COL24A1: variants seen among roughly 807,000 people sequenced by gnomAD.
COL24A1 encodes the protein collagen type XXIV alpha 1 chain.
COL24A1 carries 224 observed loss-of-function variants against 253.9 expected under a neutral mutation model. That is an observed-to-expected ratio of 0.88 (90% CI 0.79 to 0.99). The LOEUF (loss-of-function observed/expected upper bound fraction) is 0.99, where lower values mean the gene tolerates loss of function less well. Among genes scored for constraint, COL24A1 ranks in the 50% least tolerant of loss-of-function variants. The pLI, the probability that COL24A1 is intolerant of heterozygous loss-of-function variation, is 0.00. For synonymous variants in COL24A1, 685 were observed against 673.7 expected (o/e 1.02, Z -0.26); for missense variants, 2,131 against 2,068.5 (o/e 1.03, Z -0.59).
Position 85,979,594 on chromosome 1 carries a change from T to C in COL24A1, c.2364+8007A>G, listed in dbSNP as rs969890263. Among the ~76,000 whole-genome samples the C allele has an allele frequency of 2.0e-5, 3 of 151,746 alleles. No individual in the cohort carries two copies. In the East Asian group the frequency reaches 5.8e-4, roughly 29 times the overall value. On this transcript the variant is annotated intron_variant, in intron 20 of 59. Transcript: ENST00000370571. Reference sequence around the variant, plus strand: ...AACTAGAAAACTTAGAGGAGATGTATAAATTTCTGGAAGTATACAACCCTC... The same window carrying C: ...AACTAGAAAACTTAGAGGAGATGTACAAATTTCTGGAAGTATACAACCCTC...
At chr1:85,838,487 A>C in intron 43 of COL24A1, 98 bp downstream of exon 43, 1 of 1,024,656 alleles carries the variant, frequency 9.8e-7, no homozygotes, top group African/African-American at 1.6e-5. Flanking sequence ...AAAACATAAG[A>C]CATTACTAAT....
At chr1:86,133,145 GCTCT>G (rs1649566558) in intron 2 of COL24A1, among the ~76,000 whole-genome samples, 1 of 152,004 alleles carries the variant, frequency 6.6e-6, no homozygotes, top group South Asian at 2.1e-4. Context: ...TCATGATTTG[GCTCT>G]CTGTTTGTCT....
chr1:86,148,208 G>C (rs1432594355), intron 1 of COL24A1, among the ~76,000 whole-genome samples: 1 of 152,006 alleles, frequency 6.6e-6, no homozygotes, highest in Non-Finnish European at 1.5e-5. Flanking sequence ...TCTTGAGATG[G>C]AGTTCGCTCT....
At chr1:86,097,622 TCTTTTTCTTATTCTTATTCTTCCTC>T (rs1704104914) in intron 5 of COL24A1, among the ~76,000 whole-genome samples, 1 of 106,198 alleles carries the variant, frequency 9.4e-6, no homozygotes, top group Admixed American at 9.4e-5. Flanking sequence ...TCCTCCTTCT[TCTTTTTCTTATTCTTATTCTTCCTC>T]CTCCTCCTCC....
At chr1:85,951,538 T>C (rs1208926310) in intron 24 of COL24A1, among the ~76,000 whole-genome samples, 1 of 152,112 alleles carries the variant, frequency 6.6e-6, no homozygotes, top group African/African-American at 2.4e-5. Context: ...AGGGAGTAAG[T>C]TGGAAAGTGT....
intron 47 of COL24A1, among the ~76,000 whole-genome samples, chr1:85,790,040 G>T (rs751869665): frequency 1.3e-5 from 2 of 152,060 alleles, no homozygotes; most frequent in African/African-American, 2.4e-5. Flanking sequence ...AGCAGGTTTT[G>T]GTATCAGGAT....
At position 85,907,182 on chromosome 1, in the gene COL24A1, T is replaced by C. The variant is rs1684922296; in HGVS notation, c.2778+12A>G. 1.9e-6 allele frequency: 3 copies of C among 1,608,794 alleles called. No individual in the cohort carries two copies. Among genetic ancestry groups the C allele is most frequent in the East Asian group, 4.5e-5 (2 of 44,842 alleles). On this transcript the variant is annotated intron_variant, in intron 28 of 59. Coordinates refer to ENST00000370571, the MANE Select transcript of COL24A1 (RefSeq NM_152890.7). ...GGGGGGGTTAATGTACTTTTTTCCT[T>C]AGATTACTTACTCTTTGTCCTTTAG...
At chr1:85,894,324 A>G (rs1407812482) in intron 31 of COL24A1, among the ~76,000 whole-genome samples, 4 of 152,204 alleles carry the variant, frequency 2.6e-5, no homozygotes, top group African/African-American at 4.8e-5. Context: ...TTGCCAGGTA[A>G]GGTTACAAAC....
At position 85,745,518 on chromosome 1, in the gene COL24A1, A is replaced by C; in HGVS notation, c.4438-12T>G. ...ATATCCATTTGCTTCTGTGTAAAAC[A>C]AAACCATTTGAGATTAGCAATAAGA... is the stretch of plus-strand genomic sequence containing the variant. On this transcript the variant is annotated splice_polypyrimidine_tract_variant and intron_variant, in intron 55 of 59. Coordinates refer to ENST00000370571, the MANE Select transcript of COL24A1 (RefSeq NM_152890.7). 1.9e-6 allele frequency: 3 copies of C among 1,603,224 alleles called. No individual in the cohort carries two copies. The highest frequency in any genetic ancestry group is 1.7e-6 in the Non-Finnish European group (2 of 1,175,136).
intron 41 of COL24A1, 65 bp from the exon 42 acceptor site, chr1:85,841,343 C>T (rs544302443): frequency 3.6e-6 from 4 of 1,123,622 alleles, no homozygotes; most frequent in Admixed American, 2.5e-5. Flanking sequence ...AAACACACAA[C>T]CTACTATTTT....
intron 24 of COL24A1, among the ~76,000 whole-genome samples, chr1:85,918,739 T>A (rs1014368899): frequency 1.3e-4 from 20 of 152,346 alleles, no homozygotes; most frequent in African/African-American, 4.3e-4. Flanking sequence ...CAATATTTTT[T>A]AAATCTCTGA....
chr1:86,006,283 A>C (rs1323952634), intron 19 of COL24A1, among the ~76,000 whole-genome samples: 1 of 148,060 alleles, frequency 6.8e-6, no homozygotes, highest in Non-Finnish European at 1.5e-5. Context: ...AATATTCGAG[A>C]CAGTGTGGTA....
At chr1:86,014,479 C>A (rs1024159214) in intron 19 of COL24A1, among the ~76,000 whole-genome samples, 4 of 152,082 alleles carry the variant, frequency 2.6e-5, no homozygotes, top group Non-Finnish European at 4.4e-5. Flanking sequence ...GTCTACTTTT[C>A]TGAGCTTTAG....
At chr1:85,997,833 G>A (rs1694999846) in intron 19 of COL24A1, among the ~76,000 whole-genome samples, 1 of 151,924 alleles carries the variant, frequency 6.6e-6, no homozygotes, top group Non-Finnish European at 1.5e-5. Context: ...ACTTTTGCTA[G>A]AGATATAAGG....
chr1:86,000,307 T>C (rs1229950425), intron 19 of COL24A1, among the ~76,000 whole-genome samples: 1 of 152,254 alleles, frequency 6.6e-6, no homozygotes, highest in African/African-American at 2.4e-5. Context: ...ATAGATTTCG[T>C]TCTTCCCAAC....
intron 5 of COL24A1, among the ~76,000 whole-genome samples, chr1:86,109,159 A>C (rs948870893): frequency 2.0e-5 from 3 of 152,156 alleles, no homozygotes; most frequent in African/African-American, 7.2e-5. Context: ...TCCCCAAATG[A>C]AGCTCGAAGG....
At position 85,744,656 on chromosome 1, in the gene COL24A1, A is replaced by G. The variant is rs1204569510; in HGVS notation, c.4672+10T>C. The stretch of plus-strand genomic sequence containing the variant: ...TTCACTATCAGAGTTTGAGGTAACC[A>G]AGAACTTACCATCTGATACTTTTTG... On this transcript the variant is annotated intron_variant, in intron 57 of 59. Coordinates refer to ENST00000370571, the MANE Select transcript of COL24A1 (RefSeq NM_152890.7). 2 of 1,597,194 alleles carry G rather than the reference A, an allele frequency of 1.3e-6. No homozygotes were observed. Among genetic ancestry groups the G allele is most frequent in the African/African-American group, 2.7e-5 (2 of 73,888 alleles).
Position 85,909,973 on chromosome 1 carries a change from G to C in COL24A1, c.2647C>G (p.Pro883Ala). The C allele has an allele frequency of 6.2e-7, 1 of 1,610,082 alleles. No individual in the cohort carries two copies. The highest frequency in any genetic ancestry group is 8.5e-7 in the Non-Finnish European group (1 of 1,176,912). ...GERGSPGPLG[P>A]QGEKGVMGYP... Reference sequence around the variant, plus strand: ...ACCATAACACCTTTTTCTCCCTGCGGACCTAGTGGGCCTGGACTTCCACGT... The same window carrying C: ...ACCATAACACCTTTTTCTCCCTGCGCACCTAGTGGGCCTGGACTTCCACGT... Residue 883 changes from proline (P) to alanine (A), a missense_variant, in exon 26 of 60, where the codon CCG becomes GCG. Transcript: ENST00000370571.
At chr1:85,757,621 G>A (rs1171093329) in intron 55 of COL24A1, among the ~76,000 whole-genome samples, 5 of 152,050 alleles carry the variant, frequency 3.3e-5, no homozygotes, top group African/African-American at 1.2e-4. Context: ...ATAACACTTG[G>A]CCACTCAAAA....
Sources: allele counts gnomAD v4.1 joint callset (sites outside exome capture counted in the v4.1 genomes callset), GRCh38; gene constraint gnomAD v4.1.1; transcripts MANE v1.5; gene names NCBI Gene and HGNC (gene_info 2026-07-23, HGNC 2026-07-21).